Variants in PCBP3 observed in about 807,000 individuals in gnomAD.
PCBP3 encodes the protein poly(rC) binding protein 3.
In PCBP3, 25 loss-of-function variants were observed where a neutral mutation model predicts 52.7. The ratio of observed to expected loss-of-function variants is 0.47; its 90% CI spans 0.35 to 0.66. The LOEUF (loss-of-function observed/expected upper bound fraction) is 0.66, where lower values mean the gene tolerates loss of function less well. Ranked by LOEUF, PCBP3 falls within the 30% of genes least tolerant of loss-of-function variation. PCBP3 has a pLI of 0.01. For synonymous variants in PCBP3, 162 were observed against 183.0 expected, an observed-to-expected ratio of 0.89 and a Z score of 0.93; for missense variants, 391 against 490.3, an observed-to-expected ratio of 0.80 and a Z score of 1.91.
At chr21:45,668,469 G>A (rs1188230624) in intron 1 of PCBP3, among the ~76,000 whole-genome samples, 3 of 151,840 alleles carry the variant, frequency 2.0e-5, no homozygotes, top group Admixed American at 1.3e-4. Flanking sequence ...CTTTGAAGGA[G>A]CTCTAACTCT....
intron 4 of PCBP3, among the ~76,000 whole-genome samples, chr21:45,771,756 CA>C (rs2089885736): frequency 6.6e-6 from 1 of 152,064 alleles, no homozygotes; most frequent in Non-Finnish European, 1.5e-5. Context: ...GAGGTTCTAG[CA>C]AGTTCAATAG....
chr21:45,900,147 CA>C (rs2095990456), intron 7 of PCBP3, among the ~76,000 whole-genome samples: 1 of 152,256 alleles, frequency 6.6e-6, no homozygotes, highest in East Asian at 1.9e-4. Context: ...TCAGTCCCAC[CA>C]TGGGGGCGCC....
rs569197984 is a variant in PCBP3 at position 45,819,355 on chromosome 21, G to T, written c.-125-30606G>T. 7.2e-5 allele frequency among the ~76,000 whole-genome samples: 11 copies of T among 152,338 alleles called. No homozygotes were observed. The East Asian group carries it at 1.9e-3, about 27-fold the overall frequency. On this transcript the variant is annotated intron_variant, in intron 4 of 17. Coordinates refer to ENST00000681687, the MANE Select transcript of PCBP3 (RefSeq NM_001384156.1). The stretch of plus-strand genomic sequence containing the variant: ...GACTGTCCTGTGACAGAGCAGGAAG[G>T]GCTCCCTTAGCTCTGAGGGAAAGCG...
At chr21:45,705,448 A>G (rs149329907) in intron 2 of PCBP3, among the ~76,000 whole-genome samples, 271 of 152,344 alleles carry the variant, frequency 1.8e-3, no homozygotes, top group Non-Finnish European at 2.6e-3. Flanking sequence ...CTGTGCACAT[A>G]GAGACAAGGG....
At chr21:45,939,454 A>G (rs1168712946) in intron 16 of PCBP3, among the ~76,000 whole-genome samples, 3 of 152,386 alleles carry the variant, frequency 2.0e-5, no homozygotes, top group Admixed American at 6.5e-5. Flanking sequence ...CAGGGGTCCC[A>G]ACAGGGGAAT....
rs3788237 is a variant in PCBP3 at position 45,929,460 on chromosome 21, G to A, written c.718-457G>A. Among the ~76,000 whole-genome samples, 197 of 152,144 alleles carry A rather than the reference G, an allele frequency of 1.3e-3. 1 individual carries two copies. The highest frequency in any genetic ancestry group is 1.5e-3 in the Non-Finnish European group (103 of 68,022). ...GCCTAGCACAGGGTGAGACCAGGGCGAGGTTTGCAAACTCATGCCTCTGTG... is the reference window on the plus strand; with the variant it reads ...GCCTAGCACAGGGTGAGACCAGGGCAAGGTTTGCAAACTCATGCCTCTGTG... On this transcript the variant is annotated intron_variant, in intron 13 of 17. Coordinates refer to ENST00000681687, the MANE Select transcript of PCBP3 (RefSeq NM_001384156.1).
rs550793259 is a variant in PCBP3, at chr21:45,817,523, C to T, written c.-125-32438C>T. Among the ~76,000 whole-genome samples, 16 of 152,340 alleles carry T rather than the reference C, an allele frequency of 1.1e-4. No homozygotes were observed. In the East Asian group the frequency reaches 2.7e-3, roughly 26 times the overall value. On this transcript the variant is annotated intron_variant, in intron 4 of 17. Coordinates refer to ENST00000681687, the MANE Select transcript of PCBP3 (RefSeq NM_001384156.1). The surrounding 1 kb of genome is among the most constrained non-coding windows in gnomAD (Gnocchi z 4.3). ...CCATCTCCCATATTCCAGCTGCTGC[C>T]GCAGCCCCCATGCTTGCCTTTTGTC... is the stretch of plus-strand genomic sequence containing the variant.
At chr21:45,781,626 G>A (rs547152838) in intron 4 of PCBP3, among the ~76,000 whole-genome samples, 1 of 152,260 alleles carries the variant, frequency 6.6e-6, no homozygotes, top group East Asian at 1.9e-4. Context: ...CCCACTAGAA[G>A]GTATTTCCCC....
At chr21:45,868,616 G>A (rs907325400) in intron 5 of PCBP3, among the ~76,000 whole-genome samples, 2 of 152,180 alleles carry the variant, frequency 1.3e-5, no homozygotes, top group African/African-American at 4.8e-5. Context: ...GCTTCAGCCT[G>A]GGCGGGTCTG....
chr21:45,925,062 A>G (rs368453857), intron 13 of PCBP3, among the ~76,000 whole-genome samples: 55 of 82,042 alleles, frequency 6.7e-4, no homozygotes, highest in African/African-American at 2.9e-3. Flanking sequence ...CACACGTAAG[A>G]TCGGGTGTGC....
chr21:45,863,586 C>T (rs1045019106), intron 5 of PCBP3, among the ~76,000 whole-genome samples: 4 of 152,340 alleles, frequency 2.6e-5, no homozygotes, highest in African/African-American at 9.6e-5. Flanking sequence ...CCATGTCACG[C>T]GGCTCCCGCC....
chr21:45,810,472 C>T (rs1283860263), intron 4 of PCBP3, among the ~76,000 whole-genome samples: 1 of 151,750 alleles, frequency 6.6e-6, no homozygotes, highest in Non-Finnish European at 1.5e-5. Context: ...CCACATTTCT[C>T]AGGCTGGTCT....
chr21:45,720,356 G>A (rs976670034), intron 2 of PCBP3, among the ~76,000 whole-genome samples: 1 of 152,120 alleles, frequency 6.6e-6, no homozygotes, highest in Non-Finnish European at 1.5e-5. Context: ...TGCTGAGAAT[G>A]ATGGTTTCCA....
intron 2 of PCBP3, among the ~76,000 whole-genome samples, chr21:45,710,217 TATG>T (rs1268289451): frequency 6.6e-6 from 1 of 152,204 alleles, no homozygotes; most frequent in Non-Finnish European, 1.5e-5. Context: ...GTTTGTTACA[TATG>T]TATACATGTG....
chr21:45,865,208 G>A (rs942694813), intron 5 of PCBP3, among the ~76,000 whole-genome samples: 2 of 152,164 alleles, frequency 1.3e-5, no homozygotes, highest in Non-Finnish European at 1.5e-5. Flanking sequence ...TCCACCTGAC[G>A]TGTATCCCAG....
intron 4 of PCBP3, among the ~76,000 whole-genome samples, chr21:45,766,106 C>T (rs997091020): frequency 2.6e-5 from 4 of 152,250 alleles, no homozygotes; most frequent in East Asian, 1.9e-4. Context: ...TCGTCATCCA[C>T]GGCTTCACAG....
At chr21:45,733,085 G>T (rs2085579601) in intron 2 of PCBP3, among the ~76,000 whole-genome samples, 1 of 152,146 alleles carries the variant, frequency 6.6e-6, no homozygotes, top group Non-Finnish European at 1.5e-5. Context: ...TATTCTGTCT[G>T]TACATTGACT....
At chr21:45,854,948 A>G (rs2094211554) in intron 5 of PCBP3, among the ~76,000 whole-genome samples, 1 of 152,256 alleles carries the variant, frequency 6.6e-6, no homozygotes, top group Admixed American at 6.5e-5. Flanking sequence ...CTGAGTTCAC[A>G]GCAGGCTGAA....
intron 4 of PCBP3, among the ~76,000 whole-genome samples, chr21:45,819,807 G>A (rs1039300187): frequency 1.4e-4 from 22 of 152,266 alleles, no homozygotes; most frequent in Non-Finnish European, 2.8e-4. Context: ...GCAGATGGGT[G>A]TGCGGGCACA....
Sources: gnomAD v4.1 joint callset for allele counts (sites outside exome capture counted in the v4.1 genomes callset) on GRCh38, gnomAD v4.1.1 for gene constraint, Gnocchi (gnomAD v3.1) non-coding constraint, MANE v1.5 for transcripts, NCBI Gene and HGNC (gene_info 2026-07-23, HGNC 2026-07-21) for gene names.